Variants in TANC2 observed in about 807,000 individuals in gnomAD.
The protein encoded by TANC2 is protein TANC2.
Under a neutral mutation model 210.5 loss-of-function variants are expected in TANC2, and 26 were observed. The observed-to-expected ratio is 0.12, with a 90% CI of 0.09 to 0.17. TANC2 has a LOEUF of 0.17. Ranked by LOEUF, TANC2 falls within the 10% of genes least tolerant of loss-of-function variation. TANC2 has a pLI of 1.00. For missense variants in TANC2, 2,129 were observed against 2,608.9 expected (o/e 0.82, Z 4.01); for synonymous variants, 931 against 967.1 (o/e 0.96, Z 0.69).
intron 3 of TANC2, among the ~76,000 whole-genome samples, chr17:63,095,465 C>T (rs2037353228): frequency 6.6e-6 from 1 of 152,112 alleles, no homozygotes; most frequent in South Asian, 2.1e-4. Context: ...GCCACTGTGC[C>T]CAGCCTTGAG....
At chr17:63,134,413 G>C (rs2039020918) in intron 4 of TANC2, among the ~76,000 whole-genome samples, 2 of 152,184 alleles carry the variant, frequency 1.3e-5, no homozygotes, top group South Asian at 2.1e-4. Context: ...TGAGAGGTGA[G>C]TGGCATATTA....
intron 7 of TANC2, among the ~76,000 whole-genome samples, chr17:63,229,320 GT>G (rs950515601): frequency 1.3e-5 from 2 of 152,156 alleles, no homozygotes; most frequent in African/African-American, 4.8e-5. Context: ...TGCTGGATTG[GT>G]TTGCCAGTAT....
intron 17 of TANC2, among the ~76,000 whole-genome samples, chr17:63,394,658 A>G (rs573955547): frequency 2.0e-5 from 3 of 152,360 alleles, no homozygotes; most frequent in South Asian, 4.1e-4. Flanking sequence ...AGTAGAATAC[A>G]TTAATCATTT....
At chr17:63,070,902 GGT>G (rs1380480764) in intron 2 of TANC2, among the ~76,000 whole-genome samples, 1 of 151,996 alleles carries the variant, frequency 6.6e-6, no homozygotes, top group Non-Finnish European at 1.5e-5. Flanking sequence ...AGCAGGTCAG[GGT>G]TCTTAGTTGT....
chr17:63,054,403 C>T (rs979858042), intron 2 of TANC2, among the ~76,000 whole-genome samples: 7 of 152,096 alleles, frequency 4.6e-5, no homozygotes, highest in Admixed American at 2.6e-4. Flanking sequence ...GATGGAGTCT[C>T]GCTCTGTTGC....
intron 1 of TANC2, among the ~76,000 whole-genome samples, chr17:62,975,520 G>C (rs71375884): frequency 0.011 from 1,616 of 150,888 alleles, 17 homozygotes; most frequent in Non-Finnish European, 0.019. Flanking sequence ...CAGGATCAGA[G>C]AATCAGCTTT....
chr17:63,331,240 A>T (rs1236506348), intron 11 of TANC2, among the ~76,000 whole-genome samples: 1 of 152,206 alleles, frequency 6.6e-6, no homozygotes, highest in Non-Finnish European at 1.5e-5. Flanking sequence ...TATTATTTGC[A>T]ACTTTTTGAT....
At chr17:63,231,279 TGTG>T (rs2042469261) in intron 7 of TANC2, among the ~76,000 whole-genome samples, 1 of 152,196 alleles carries the variant, frequency 6.6e-6, no homozygotes, top group African/African-American at 2.4e-5. Flanking sequence ...TATTGCTGTG[TGTG>T]AATTTGATCC....
At chr17:63,326,366 G>A (rs1428689071) in intron 11 of TANC2, among the ~76,000 whole-genome samples, 1 of 152,086 alleles carries the variant, frequency 6.6e-6, no homozygotes, top group Admixed American at 6.5e-5. Context: ...ACAAGAATAA[G>A]CAAATGGATT....
chr17:63,110,799 T>C (rs778651625), intron 4 of TANC2, among the ~76,000 whole-genome samples: 6 of 152,194 alleles, frequency 3.9e-5, no homozygotes, highest in Non-Finnish European at 5.9e-5. Flanking sequence ...GTTCAAACCA[T>C]AGCACCAAGG....
At chr17:63,244,481 A>G (rs2042861939) in intron 8 of TANC2, among the ~76,000 whole-genome samples, 1 of 152,174 alleles carries the variant, frequency 6.6e-6, no homozygotes, top group Admixed American at 6.6e-5. Context: ...TTTGGCACCC[A>G]TTTAGTGGAA....
At chr17:63,042,307 T>C (rs1385080323) in intron 2 of TANC2, among the ~76,000 whole-genome samples, 1 of 152,094 alleles carries the variant, frequency 6.6e-6, no homozygotes, top group Non-Finnish European at 1.5e-5. Context: ...CATCATAAAA[T>C]AAAGCATATT....
At chr17:63,009,177 T>C (rs1245375067) in intron 1 of TANC2, among the ~76,000 whole-genome samples, 1 of 152,082 alleles carries the variant, frequency 6.6e-6, no homozygotes, top group East Asian at 1.9e-4. Flanking sequence ...TAGTTGTATA[T>C]ATTTATGGGG....
chr17:63,025,821 T>TTAAATTAAAA (rs371590112), intron 2 of TANC2, among the ~76,000 whole-genome samples: 49 of 141,518 alleles, frequency 3.5e-4, no homozygotes, highest in South Asian at 1.4e-3. Flanking sequence ...TAAAATTAAA[T>TTAAATTAAAA]TAAAATAAAA....
intron 4 of TANC2, among the ~76,000 whole-genome samples, chr17:63,136,516 A>G (rs561602654): frequency 6.6e-6 from 1 of 152,348 alleles, no homozygotes; most frequent in South Asian, 2.1e-4. Context: ...TTCATTCAAC[A>G]AGTAATAGTA....
intron 1 of TANC2, among the ~76,000 whole-genome samples, chr17:62,983,372 TA>T (rs1190818527): frequency 1.3e-5 from 2 of 152,196 alleles, no homozygotes; most frequent in Middle Eastern, 3.4e-3. Flanking sequence ...TTTTTTATTT[TA>T]ATTTAAAATT....
At chr17:63,062,285 T>G (rs908388869) in intron 2 of TANC2, among the ~76,000 whole-genome samples, 3 of 152,238 alleles carry the variant, frequency 2.0e-5, no homozygotes, top group Non-Finnish European at 4.4e-5. Flanking sequence ...TTTGTTGTTT[T>G]TTTGTGAAGT....
At chr17:63,001,568 T>A (rs118132184) in intron 1 of TANC2, among the ~76,000 whole-genome samples, 1 of 151,248 alleles carries the variant, frequency 6.6e-6, no homozygotes, top group South Asian at 2.1e-4. Flanking sequence ...TTTTTTTTTT[T>A]CCAAGATGGA....
intron 22 of TANC2, 100 bp from the exon 23 acceptor site, chr17:63,411,898 G>A (rs2048715090): frequency 9.1e-6 from 14 of 1,534,252 alleles, no homozygotes; most frequent in Middle Eastern, 3.5e-4. Context: ...CCTGGGGTAG[G>A]CCAGCAGTTG....
Sources: allele counts gnomAD v4.1 joint callset (sites outside exome capture counted in the v4.1 genomes callset), GRCh38; gene constraint gnomAD v4.1.1; transcripts MANE v1.5; gene names NCBI Gene and HGNC (gene_info 2026-07-23, HGNC 2026-07-21).